The following RAB27A variants were observed in gnomAD, a reference collection of about 807,000 sequenced individuals.
RAB27A encodes the protein RAB27A, member RAS oncogene family.
A neutral mutation model predicts 20.8 loss-of-function variants in RAB27A; 17 were observed. The ratio of observed to expected loss-of-function variants is 0.82; its 90% CI spans 0.56 to 1.23. RAB27A has a LOEUF of 1.23. Ranked by LOEUF, RAB27A falls within the 50% of genes most tolerant of loss-of-function variation. RAB27A has a pLI of 0.00. For synonymous variants in RAB27A, 85 were observed against 92.8 expected, an observed-to-expected ratio of 0.92 and a Z score of 0.48; for missense variants, 277 against 266.7, an observed-to-expected ratio of 1.04 and a Z score of -0.27.
chr15:55,274,189 T>A (rs1211947463), intron 1 of RAB27A, among the ~76,000 whole-genome samples: 1 of 152,064 alleles, frequency 6.6e-6, no homozygotes, highest in Non-Finnish European at 1.5e-5. Flanking sequence ...TTTTAAATCT[T>A]GAGATACATG....
At chr15:55,264,036 C>CTGTT (rs1042346978) in intron 2 of RAB27A, among the ~76,000 whole-genome samples, 2 of 152,066 alleles carry the variant, frequency 1.3e-5, no homozygotes, top group Non-Finnish European at 2.9e-5. Flanking sequence ...GTTATTTTTT[C>CTGTT]TGTTTGTTTG....
At position 55,205,328 on chromosome 15, in the gene RAB27A, T is replaced by C. The variant is rs1162700305; in HGVS notation, c.*179A>G. 5.8e-6 allele frequency: 4 copies of C among 686,546 alleles called. No homozygotes were observed. The highest frequency in any genetic ancestry group is 3.6e-5 in the African/African-American group (2 of 55,262). The allele number at this position is 686,546 out of a possible 1,614,324, so 42.5% of individuals were successfully genotyped here. On this transcript the variant is annotated 3_prime_UTR_variant, in exon 7 of 7. Transcript: ENST00000336787. Reference sequence around the variant, plus strand: ...ACTCTCAGGCTGAATCTTAAAGAAATATTTACAAAGCTGCAACAAATTAAT... The same window carrying C: ...ACTCTCAGGCTGAATCTTAAAGAAACATTTACAAAGCTGCAACAAATTAAT...
intron 1 of RAB27A, chr15:55,317,867 T>C (rs1236851806): frequency 2.5e-6 from 1 of 393,966 alleles, no homozygotes; most frequent in East Asian, 3.6e-5. Flanking sequence ...TCTCTTCAAA[T>C]CTGCATACAA....
intron 2 of RAB27A, among the ~76,000 whole-genome samples, chr15:55,259,301 C>A (rs1174995391): frequency 6.6e-6 from 1 of 150,638 alleles, no homozygotes; most frequent in African/African-American, 2.4e-5. Context: ...TCAAGAAAGT[C>A]TCTTTTTTTT....
chr15:55,262,174 A>G (rs1432816136), intron 2 of RAB27A, among the ~76,000 whole-genome samples: 1 of 152,166 alleles, frequency 6.6e-6, no homozygotes, highest in Non-Finnish European at 1.5e-5. Context: ...AGCCATACTA[A>G]TTCCAGCAAT....
intron 1 of RAB27A, among the ~76,000 whole-genome samples, chr15:55,286,484 T>C (rs1399572135): frequency 1.3e-5 from 2 of 152,116 alleles, no homozygotes; most frequent in Non-Finnish European, 2.9e-5. Context: ...CTATTCTAGA[T>C]GGAGTGGTCT....
At chr15:55,304,644 C>T (rs575645282) in intron 2 of RAB27A, among the ~76,000 whole-genome samples, 32 of 152,184 alleles carry the variant, frequency 2.1e-4, no homozygotes, top group Middle Eastern at 3.4e-3. Context: ...TGGCTTATTT[C>T]GTAATGTATT....
chr15:55,302,832 G>A (rs1409813023), intron 2 of RAB27A, among the ~76,000 whole-genome samples: 1 of 140,958 alleles, frequency 7.1e-6, no homozygotes, highest in Admixed American at 6.9e-5. Flanking sequence ...GAGACCCTCT[G>A]CCTGGCAACC....
chr15:55,209,942 G>A (rs1364867208), intron 6 of RAB27A, among the ~76,000 whole-genome samples: 1 of 115,020 alleles, frequency 8.7e-6, no homozygotes, highest in Admixed American at 7.6e-5. Context: ...GTATGTACAT[G>A]TACACACATA....
intron 6 of RAB27A, among the ~76,000 whole-genome samples, chr15:55,214,607 T>C (rs986527084): frequency 3.9e-4 from 60 of 152,220 alleles, no homozygotes; most frequent in African/African-American, 1.4e-3. Flanking sequence ...AGAAAAAAGT[T>C]TGTTGGGAAA....
At chr15:55,300,262 G>A (rs2141141912) in intron 2 of RAB27A, among the ~76,000 whole-genome samples, 1 of 152,280 alleles carries the variant, frequency 6.6e-6, no homozygotes, top group South Asian at 2.1e-4. Context: ...GCTTGCGTGT[G>A]TGTATATATA....
chr15:55,208,511 A>T (rs954366602), intron 6 of RAB27A, among the ~76,000 whole-genome samples: 2 of 152,216 alleles, frequency 1.3e-5, no homozygotes, highest in African/African-American at 2.4e-5. Context: ...CATCCTCCAC[A>T]TGTCAGCTTT....
chr15:55,315,062 G>GA (rs1294681110), intron 1 of RAB27A, among the ~76,000 whole-genome samples: 1 of 152,152 alleles, frequency 6.6e-6, no homozygotes. Flanking sequence ...TACCAAAACA[G>GA]AGACATAGAC....
chr15:55,225,815 A>T (rs1895772526), intron 5 of RAB27A, among the ~76,000 whole-genome samples: 1 of 152,206 alleles, frequency 6.6e-6, no homozygotes. Context: ...TCACCTACAT[A>T]AACAACTACA....
At chr15:55,228,547 G>A (rs2140972476) in intron 5 of RAB27A, 62 bp downstream of exon 5, 2 of 1,234,824 alleles carry the variant, frequency 1.6e-6, no homozygotes, top group South Asian at 2.4e-5. Flanking sequence ...TAGAGCATAA[G>A]AGGGCATTCT....
chr15:55,310,163 C>T (rs911850675), intron 2 of RAB27A, among the ~76,000 whole-genome samples: 4 of 152,174 alleles, frequency 2.6e-5, no homozygotes, highest in Admixed American at 1.3e-4. Context: ...GAGTAAAGTT[C>T]TCCAGTCACA....
intron 3 of RAB27A, among the ~76,000 whole-genome samples, chr15:55,231,343 C>T (rs1455919373): frequency 6.6e-6 from 1 of 152,072 alleles, no homozygotes; most frequent in Non-Finnish European, 1.5e-5. Flanking sequence ...TTTAAAAGTG[C>T]TCTTAAAAGA....
chr15:55,245,176 C>T (rs1451152798), intron 2 of RAB27A, among the ~76,000 whole-genome samples: 1 of 152,194 alleles, frequency 6.6e-6, no homozygotes, highest in Non-Finnish European at 1.5e-5. Flanking sequence ...ACAGCTACTT[C>T]CACTTCAAAA....
At chr15:55,236,349 G>T (rs1169342057) in intron 2 of RAB27A, among the ~76,000 whole-genome samples, 1 of 151,946 alleles carries the variant, frequency 6.6e-6, no homozygotes, top group Non-Finnish European at 1.5e-5. Context: ...CTATTAATAT[G>T]TACTACATAT....
Sources: allele counts gnomAD v4.1 joint callset (sites outside exome capture counted in the v4.1 genomes callset), GRCh38; gene constraint gnomAD v4.1.1; transcripts MANE v1.5; gene names NCBI Gene and HGNC (gene_info 2026-07-23, HGNC 2026-07-21).